The following MACROD2 variants were observed in gnomAD, a reference collection of about 807,000 sequenced individuals.
The protein encoded by MACROD2 is ADP-ribose glycohydrolase MACROD2.
In MACROD2, 36 loss-of-function variants were observed where a neutral mutation model predicts 70.4. The observed-to-expected ratio is 0.51, with a 90% confidence interval of 0.39 to 0.68. The LOEUF is 0.68. Among genes scored for constraint, MACROD2 ranks in the 30% least tolerant of loss-of-function variants. MACROD2 has a pLI of 0.00. For missense variants in MACROD2, 496 were observed against 538.4 expected, an observed-to-expected ratio of 0.92 and a Z score of 0.78; for synonymous variants, 172 against 178.8, an observed-to-expected ratio of 0.96 and a Z score of 0.30.
chr20:15,608,193 G>T (rs186614495), intron 8 of MACROD2, among the ~76,000 whole-genome samples: 2 of 152,156 alleles, frequency 1.3e-5, no homozygotes, highest in Non-Finnish European at 2.9e-5. Context: ...TTGTGATAAC[G>T]TCCTGTATCT....
At chr20:14,127,085 T>C (rs961687420) in intron 3 of MACROD2, among the ~76,000 whole-genome samples, 2 of 152,094 alleles carry the variant, frequency 1.3e-5, no homozygotes, top group Non-Finnish European at 2.9e-5. Context: ...CTTGCTCCAG[T>C]TGGGAGAGTT....
intron 3 of MACROD2, among the ~76,000 whole-genome samples, chr20:14,242,656 G>A (rs1021846171): frequency 9.9e-5 from 15 of 152,094 alleles, no homozygotes; most frequent in Non-Finnish European, 2.1e-4. Context: ...TGTAATTTCT[G>A]TGAAAAGGAA....
rs369063783 is a variant in MACROD2, at chr20:14,230,917, A to G, written c.271+145189A>G. On this transcript the variant is annotated intron_variant, in intron 3 of 17. Transcript: ENST00000684519. ...TGTTGTGTTAGCAGGTGTGAAAAAA[A>G]CATTCATCTTGTAGATCAGAGCTTT... Among the ~76,000 whole-genome samples, 5 of 151,442 alleles carry G rather than the reference A, an allele frequency of 3.3e-5. No homozygotes were observed. In the East Asian group the frequency reaches 7.9e-4, roughly 24 times the overall value.
chr20:14,144,240 G>A (rs148330224), intron 3 of MACROD2, among the ~76,000 whole-genome samples: 38 of 152,202 alleles, frequency 2.5e-4, no homozygotes, highest in Admixed American at 7.2e-4. Context: ...TTTTTGATAA[G>A]TGGAAATATA....
chr20:14,798,117 C>A (rs1267421927), intron 5 of MACROD2, among the ~76,000 whole-genome samples: 1 of 151,976 alleles, frequency 6.6e-6, no homozygotes, highest in African/African-American at 2.4e-5. Flanking sequence ...TAATTATTTT[C>A]AGATATGTTC....
intron 6 of MACROD2, among the ~76,000 whole-genome samples, chr20:15,406,512 G>A (rs1404949303): frequency 6.6e-6 from 1 of 152,142 alleles, no homozygotes; most frequent in Non-Finnish European, 1.5e-5. Flanking sequence ...TTTTACCGAA[G>A]AAATGTTATC....
At chr20:15,838,527 G>T (rs982671004) in intron 8 of MACROD2, among the ~76,000 whole-genome samples, 1 of 151,984 alleles carries the variant, frequency 6.6e-6, no homozygotes, top group Admixed American at 6.6e-5. Flanking sequence ...ATAGCTTTGG[G>T]GGTTCATTTC....
intron 5 of MACROD2, among the ~76,000 whole-genome samples, chr20:15,000,073 A>T (rs2122894157): frequency 6.6e-6 from 1 of 152,306 alleles, no homozygotes; most frequent in Admixed American, 6.5e-5. Context: ...TTTGACTGGG[A>T]ACCAAGAGGA....
intron 6 of MACROD2, among the ~76,000 whole-genome samples, chr20:15,370,309 T>G (rs1305550516): frequency 6.6e-6 from 1 of 152,030 alleles, no homozygotes; most frequent in Non-Finnish European, 1.5e-5. Context: ...GAATCTACTT[T>G]TTAGTTTTGA....
At chr20:14,615,577 A>T (rs1983432098) in intron 4 of MACROD2, among the ~76,000 whole-genome samples, 1 of 152,072 alleles carries the variant, frequency 6.6e-6, no homozygotes, top group African/African-American at 2.4e-5. Flanking sequence ...AATAGAGGTA[A>T]TGGTGGGGAG....
chr20:15,125,332 C>A (rs2076058733), intron 5 of MACROD2, among the ~76,000 whole-genome samples: 1 of 151,990 alleles, frequency 6.6e-6, no homozygotes, highest in African/African-American at 2.4e-5. Flanking sequence ...CTCAAAGTAA[C>A]CCTGAGTGAG....
chr20:14,821,470 G>C (rs2072843921), intron 5 of MACROD2, among the ~76,000 whole-genome samples: 1 of 152,002 alleles, frequency 6.6e-6, no homozygotes, highest in Non-Finnish European at 1.5e-5. Flanking sequence ...GGTTTAATTG[G>C]TCTTGGGTTC....
chr20:14,300,853 G>A (rs1052562624), intron 3 of MACROD2, among the ~76,000 whole-genome samples: 7 of 144,998 alleles, frequency 4.8e-5, no homozygotes, highest in African/African-American at 1.0e-4. Flanking sequence ...AAAGTTTGTA[G>A]TGAGCCATCA....
chr20:15,906,210 C>A (rs117453228), intron 10 of MACROD2, among the ~76,000 whole-genome samples: 157 of 152,290 alleles, frequency 1.0e-3, no homozygotes, highest in Admixed American at 2.0e-3. Flanking sequence ...CTCATTCAGC[C>A]ACTTATGGTG....
intron 3 of MACROD2, chr20:14,327,271 A>C (rs757294327): frequency 6.2e-7 from 1 of 1,613,838 alleles, no homozygotes; most frequent in South Asian, 1.1e-5. Flanking sequence ...CAAGTTTTTC[A>C]AATCTGAAGG....
At chr20:15,279,821 T>C (rs1161650177) in intron 6 of MACROD2, among the ~76,000 whole-genome samples, 1 of 152,192 alleles carries the variant, frequency 6.6e-6, no homozygotes, top group Non-Finnish European at 1.5e-5. Flanking sequence ...GGTATCATCT[T>C]ATTTAACCCA....
intron 4 of MACROD2, among the ~76,000 whole-genome samples, chr20:14,550,077 C>T (rs1396731134): frequency 2.0e-5 from 3 of 152,026 alleles, no homozygotes; most frequent in Admixed American, 1.3e-4. Context: ...CGGGTGCCAC[C>T]ATGTCCAGCT....
chr20:16,039,320 C>T (rs2067276656), intron 15 of MACROD2, among the ~76,000 whole-genome samples: 1 of 151,784 alleles, frequency 6.6e-6, no homozygotes. Context: ...AGTAAATTAC[C>T]TTTTCATGTG....
chr20:14,486,784 G>T (rs1169287863), intron 3 of MACROD2, among the ~76,000 whole-genome samples: 2 of 152,012 alleles, frequency 1.3e-5, no homozygotes, highest in Non-Finnish European at 2.9e-5. Flanking sequence ...CTCCCAAAGT[G>T]CTGGGATTAT....
Sources: allele counts gnomAD v4.1 joint callset (sites outside exome capture counted in the v4.1 genomes callset), GRCh38; gene constraint gnomAD v4.1.1; transcripts MANE v1.5; gene names NCBI Gene and HGNC (gene_info 2026-07-23, HGNC 2026-07-21).